The following SLC71A1 variants were observed in gnomAD, a reference collection of about 807,000 sequenced individuals.
SLC71A1 encodes hippocampus abundant gene transcript 1.
chr1:100,073,703 T>C, the SLC71A1 span, among the ~76,000 whole-genome samples: 1 of 152,216 alleles, frequency 6.6e-6, no homozygotes, highest in African/African-American at 2.4e-5. Context: ...TACTCACCCA[T>C]GCGTCTTCAG....
chr1:100,038,165 G>C, the SLC71A1 span: 11 of 1,365,256 alleles, frequency 8.1e-6, no homozygotes, highest in Middle Eastern at 1.8e-4. Flanking sequence ...GTGGTGGGAC[G>C]GCACTAGCTG....
chr1:100,038,572 C>T, the SLC71A1 span, among the ~76,000 whole-genome samples: 1 of 152,188 alleles, frequency 6.6e-6, no homozygotes, highest in Non-Finnish European at 1.5e-5. Context: ...GCCGCCTCTG[C>T]AGGCCCTGCG....
At chr1:100,052,707 G>A in the SLC71A1 span, among the ~76,000 whole-genome samples, 1 of 151,852 alleles carries the variant, frequency 6.6e-6, no homozygotes, top group Non-Finnish European at 1.5e-5. Flanking sequence ...TGGGATTACA[G>A]GTGTGAGCCA....
the SLC71A1 span, among the ~76,000 whole-genome samples, chr1:100,048,973 A>G: frequency 6.6e-6 from 1 of 152,158 alleles, no homozygotes; most frequent in African/African-American, 2.4e-5. Context: ...CCCTTCCGCT[A>G]TTTATCAAGC....
the SLC71A1 span, chr1:100,059,973 T>C: frequency 9.2e-5 from 149 of 1,613,116 alleles, 2 homozygotes; most frequent in South Asian, 1.6e-3. Context: ...TTTTCACATG[T>C]GCCCCAATTC....
the SLC71A1 span, chr1:100,043,007 C>A: frequency 1.3e-6 from 1 of 764,118 alleles, no homozygotes; most frequent in Non-Finnish European, 1.6e-6. Flanking sequence ...TCCTTACCTC[C>A]ATGGTTCAGT....
the SLC71A1 span, among the ~76,000 whole-genome samples, chr1:100,063,744 C>T: frequency 3.9e-5 from 6 of 152,076 alleles, no homozygotes; most frequent in South Asian, 2.1e-4. Context: ...TGCAGTGAGC[C>T]GTGATCGCAC....
At chr1:100,041,798 C>T in the SLC71A1 span, among the ~76,000 whole-genome samples, 1 of 152,068 alleles carries the variant, frequency 6.6e-6, no homozygotes, top group African/African-American at 2.4e-5. Context: ...GTGGTATGTG[C>T]CTGTAATCCC....
At chr1:100,050,041 A>C in the SLC71A1 span, 1 of 1,068,782 alleles carries the variant, frequency 9.4e-7, no homozygotes, top group Non-Finnish European at 1.4e-6. Flanking sequence ...ACTGACTCCA[A>C]AATCTCTTCT....
At chr1:100,061,752 A>G in the SLC71A1 span, 37 of 859,188 alleles carry the variant, frequency 4.3e-5, no homozygotes, top group Non-Finnish European at 6.2e-5. Context: ...AGCTGCTCTT[A>G]CGCTTAATTA....
At chr1:100,046,496 G>T in the SLC71A1 span, among the ~76,000 whole-genome samples, 1 of 152,114 alleles carries the variant, frequency 6.6e-6, no homozygotes, top group Admixed American at 6.5e-5. Context: ...AAAGTGCTGG[G>T]ATTACAGGCG....
chr1:100,066,850 G>A, the SLC71A1 span, among the ~76,000 whole-genome samples: 1 of 151,930 alleles, frequency 6.6e-6, no homozygotes, highest in Non-Finnish European at 1.5e-5. Context: ...TTAGCCGGGC[G>A]AGGTGGCGGG....
the SLC71A1 span, chr1:100,068,418 A>C: frequency 8.3e-7 from 1 of 1,198,866 alleles, no homozygotes. Context: ...TCTTAAGAAT[A>C]GTTCAGTGGT....
chr1:100,050,487 C>T, the SLC71A1 span, among the ~76,000 whole-genome samples: 1,614 of 152,162 alleles, frequency 0.011, 14 homozygotes, highest in Middle Eastern at 0.058. Context: ...CCTCCCTGCC[C>T]GACCAAACAA....
chr1:100,046,117 C>CT, the SLC71A1 span, among the ~76,000 whole-genome samples: 2 of 144,978 alleles, frequency 1.4e-5, no homozygotes, highest in African/African-American at 5.0e-5. Flanking sequence ...GCTCTATTGT[C>CT]TATGTATCTG....
chr1:100,062,641 C>T, the SLC71A1 span, among the ~76,000 whole-genome samples: 10 of 152,102 alleles, frequency 6.6e-5, no homozygotes, highest in Middle Eastern at 3.4e-3. Flanking sequence ...AGACAAATAC[C>T]TTGTGATAAA....
At chr1:100,058,618 A>G in the SLC71A1 span, 1 of 975,178 alleles carries the variant, frequency 1.0e-6, no homozygotes, top group Non-Finnish European at 1.6e-6. Flanking sequence ...AAATTTTATT[A>G]AGACTGAAAT....
At chr1:100,038,267 A>G in the SLC71A1 span, 1 of 1,561,508 alleles carries the variant, frequency 6.4e-7, no homozygotes, top group Non-Finnish European at 8.7e-7. Flanking sequence ...CGGGCCGCGA[A>G]CCGCAGTATC....
At chr1:100,078,513 C>G in the SLC71A1 span, 1 of 1,613,494 alleles carries the variant, frequency 6.2e-7, no homozygotes, top group South Asian at 1.1e-5. Flanking sequence ...GCTGTCAGTG[C>G]ACTTGTTTCA....
Sources: gnomAD v4.1 joint callset for allele counts (sites outside exome capture counted in the v4.1 genomes callset) on GRCh38, gnomAD v4.1.1 for gene constraint, MANE v1.5 for transcripts, NCBI Gene and HGNC (gene_info 2026-07-23, HGNC 2026-07-21) for gene names.